The following CRELD1 variants were observed in gnomAD, a reference collection of about 807,000 sequenced individuals.
CRELD1 encodes protein disulfide isomerase CRELD1.
A neutral mutation model predicts 58.2 loss-of-function variants in CRELD1; 42 were observed. The observed-to-expected ratio is 0.72, with a 90% CI of 0.56 to 0.93. The LOEUF (loss-of-function observed/expected upper bound fraction) is 0.93. Ranked by LOEUF, CRELD1 falls within the 40% of genes least tolerant of loss-of-function variation. CRELD1 has a pLI of 0.00. For synonymous variants in CRELD1, 222 were observed against 202.0 expected (o/e 1.10, Z -0.84); for missense variants, 500 against 540.6 (o/e 0.92, Z 0.74).
intron 3 of CRELD1, among the ~76,000 whole-genome samples, 186 bp from the exon 4 acceptor site, chr3:9,937,376 C>T (rs1384579785): frequency 6.6e-6 from 1 of 152,116 alleles, no homozygotes; most frequent in African/African-American, 2.4e-5. Flanking sequence ...AAGTGACTTG[C>T]CCACTAGATC....
chr3:9,939,207 G>A (rs984869708), intron 5 of CRELD1, among the ~76,000 whole-genome samples: 6 of 151,948 alleles, frequency 3.9e-5, no homozygotes, highest in African/African-American at 1.4e-4. Flanking sequence ...AAATCTAATT[G>A]TTCCACAAGA....
chr3:9,937,867 G>A, intron 4 of CRELD1, 148 bp from the exon 5 acceptor site: 4 of 749,138 alleles, frequency 5.3e-6, no homozygotes, highest in South Asian at 1.5e-5. Flanking sequence ...TCTGCCAAAT[G>A]GGGAAAGGGC....
In CRELD1 at chr3:9,935,202, G is replaced by C. The variant is rs189210146; in HGVS notation, c.257+285G>C. The C allele has an allele frequency of 1.9e-3, 735 of 379,738 alleles. 4 individuals carry two copies. Among genetic ancestry groups the C allele is most frequent in the Non-Finnish European group, 2.9e-3 (589 of 201,908 alleles). 23.5% of individuals were successfully genotyped at this position (379,738 alleles called of 1,614,324 possible). ...GGACGGTGGGAGGCAAGGTGTTCAA[G>C]GTTTGGCATTTGAACAGAGAGACAG... On this transcript the variant is annotated intron_variant, in intron 3 of 10. Coordinates refer to ENST00000452070, the MANE Select transcript of CRELD1 (RefSeq NM_001077415.3).
At chr3:9,934,356 CT>C (rs2085099991) in intron 1 of CRELD1, 63 bp from the exon 2 acceptor site, 2 of 1,333,832 alleles carry the variant, frequency 1.5e-6, no homozygotes, top group Non-Finnish European at 2.2e-6. Flanking sequence ...TAGAACAGAC[CT>C]TTTTCTTTCT....
At chr3:9,943,038 G>A (rs760897938) in intron 8 of CRELD1, 39 bp from the exon 9 acceptor site, 2 of 1,598,898 alleles carry the variant, frequency 1.3e-6, no homozygotes, top group South Asian at 2.2e-5. Flanking sequence ...CCTGGGCCTA[G>A]GTGCACATCT....
At chr3:9,936,531 ATATG>A (rs2085199482) in intron 3 of CRELD1, among the ~76,000 whole-genome samples, 1 of 143,020 alleles carries the variant, frequency 7.0e-6, no homozygotes, top group South Asian at 2.2e-4. Context: ...CTGCGTATAT[ATATG>A]TGCGTATATA....
chr3:9,938,792 G>A (rs1345813598), intron 5 of CRELD1, among the ~76,000 whole-genome samples: 2 of 151,984 alleles, frequency 1.3e-5, no homozygotes, highest in African/African-American at 2.4e-5. Context: ...CCCGGCAGGC[G>A]GAGCTTGCAG....
At chr3:9,934,117 G>C in intron 1 of CRELD1, 197 bp downstream of exon 1, 1 of 434,178 alleles carries the variant, frequency 2.3e-6, no homozygotes. Flanking sequence ...TAATTCTGCG[G>C]ATCCGGCCCC....
At position 9,943,437 on chromosome 3, in the gene CRELD1, ACCGAGGGCGGTTATCGCTGCATCTGTG is replaced by A. The variant is rs1444946640; in HGVS notation, c.979_1005del (p.Gly327_Gly335del). On this transcript the variant is annotated inframe_deletion, in exon 10 of 11. Coordinates refer to ENST00000452070, the MANE Select transcript of CRELD1 (RefSeq NM_001077415.3). ...GGGAGAGAACAAGCAGTGTGAAAAC[ACCGAGGGCGGTTATCGCTGCATCTGTG>A]CCGAGGGCTACAAGCAGATGGAAGG... 6.2e-7 allele frequency: 1 copy of A among 1,613,926 alleles called. No homozygotes were observed.
At position 9,937,544 on chromosome 3, in the gene CRELD1, C is replaced by T; in HGVS notation, c.258-18C>T. 1 of 1,578,798 alleles carries T rather than the reference C, an allele frequency of 6.3e-7. No homozygotes were observed. The highest frequency in any genetic ancestry group is 8.7e-7 in the Non-Finnish European group (1 of 1,152,956). ...GGGGTGGGGCATGTTTCCCACCAGC[C>T]CTGCCCTGTCCGATCAGTGAGACCC... is the stretch of plus-strand genomic sequence containing the variant. On this transcript the variant is annotated intron_variant, in intron 3 of 10. Transcript: ENST00000452070.
intron 5 of CRELD1, among the ~76,000 whole-genome samples, chr3:9,940,142 G>GATGGGAT: frequency 6.6e-6 from 1 of 151,968 alleles, no homozygotes; most frequent in Non-Finnish European, 1.5e-5. Flanking sequence ...TCACTTCCTA[G>GATGGGAT]ATGGGATGGC....
Position 9,938,197 on chromosome 3 carries a change from C to G in CRELD1, c.460+91C>G. On this transcript the variant is annotated intron_variant, in intron 5 of 10. Transcript: ENST00000452070. ...CTGTCCCTAGTTCGCTGTGTGAACT[C>G]AGGCTACTCAGATAAACTTCTCTGG... 3 of 991,044 alleles carry G rather than the reference C, an allele frequency of 3.0e-6. No individual in the cohort carries two copies. The East Asian group carries it at 7.5e-5, about 25-fold the overall frequency. 61.4% of individuals were successfully genotyped at this position (991,044 alleles called of 1,614,324 possible). A position where few individuals can be genotyped will look rare whatever the true frequency, so the allele number is the denominator to read the frequency against.
chr3:9,941,584 A>T (rs895283387), intron 7 of CRELD1, among the ~76,000 whole-genome samples: 1 of 151,920 alleles, frequency 6.6e-6, no homozygotes, highest in Non-Finnish European at 1.5e-5. Context: ...AGATCAGGAG[A>T]TCGAGACCAT....
chr3:9,943,844 A>C, intron 10 of CRELD1: 1 of 1,613,858 alleles, frequency 6.2e-7, no homozygotes, highest in Non-Finnish European at 8.5e-7. Context: ...CAGGGTAATC[A>C]CAACGATGAT....
At chr3:9,934,396 C>A (rs1054918021) in intron 1 of CRELD1, 24 bp from the exon 2 acceptor site, 5 of 1,566,644 alleles carry the variant, frequency 3.2e-6, no homozygotes, top group Non-Finnish European at 3.5e-6. Flanking sequence ...TTCAGTGAAG[C>A]CTCTCCACGC....
Position 9,942,837 on chromosome 3 carries a change from G to A in CRELD1, c.758G>A (p.Gly253Glu), listed in dbSNP as rs2085405236. The change falls in exon 8 of 11, where the codon GGA becomes GAA. Residue 253 changes from glycine to glutamate, a missense_variant. Coordinates refer to ENST00000452070, the MANE Select transcript of CRELD1 (RefSeq NM_001077415.3). ...CVDIDECGTE[G>E]ANCGADQFCV... Reference sequence around the variant, plus strand: ...GACATTGATGAGTGTGGCACAGAGGGAGCCAACTGTGGAGCTGACCAATTC... The same window carrying A: ...GACATTGATGAGTGTGGCACAGAGGAAGCCAACTGTGGAGCTGACCAATTC... The A allele has an allele frequency of 1.2e-6, 2 of 1,614,028 alleles. No homozygotes were observed. Among genetic ancestry groups the A allele is most frequent in the African/African-American group, 2.7e-5 (2 of 74,930 alleles).
chr3:9,940,925 G>C lies in CRELD1; in HGVS notation c.536G>C (p.Gly179Ala). Reference protein sequence around the residue: ...CEGEGTRGGSGHCDCQAGYGG... With the variant: ...CEGEGTRGGSAHCDCQAGYGG... ...GGAGAAGGGACACGAGGGGGCAGCGGGCACTGTGACTGCCAAGCCGGCTAC... is the reference window on the plus strand; with the variant it reads ...GGAGAAGGGACACGAGGGGGCAGCGCGCACTGTGACTGCCAAGCCGGCTAC... The change falls in exon 6 of 11, where the codon GGG (glycine) becomes GCG (alanine). Residue 179 changes from glycine to alanine, a missense_variant. Transcript: ENST00000452070. 6.2e-7 allele frequency: 1 copy of C among 1,614,146 alleles called. No homozygotes were observed. Among genetic ancestry groups the C allele is most frequent in the Non-Finnish European group, 8.5e-7 (1 of 1,180,016 alleles).
In CRELD1 at chr3:9,934,591, A is replaced by G; in HGVS notation, c.153A>G (p.Gly51=). Residue 51 remains glycine (G), a synonymous_variant, in exon 2 of 11, where the codon GGA becomes GGG. Transcript: ENST00000452070. ...CCCATCCGTGTCATACCTGCCGGGG[A>G]CTGGTTGACAGCTTTAACAAGGTGG... ...PQPHPCHTCR[G]LVDSFNKGLE... 6.2e-7 allele frequency: 1 copy of G among 1,613,654 alleles called. No individual in the cohort carries two copies. The highest frequency in any genetic ancestry group is 8.5e-7 in the Non-Finnish European group (1 of 1,179,710).
At position 9,941,095 on chromosome 3, in the gene CRELD1, C is replaced by G. The variant is rs774885453; in HGVS notation, c.638-16C>G. On this transcript the variant is annotated splice_polypyrimidine_tract_variant and intron_variant, in intron 6 of 10. Coordinates refer to ENST00000452070, the MANE Select transcript of CRELD1 (RefSeq NM_001077415.3). ...CACCTGCCTGCCCATCCTCATGCTG[C>G]CCCCATTCCACCCAGCTTGTTTTGG... 37 of 1,614,102 alleles carry G rather than the reference C, an allele frequency of 2.3e-5. No homozygotes were observed. Among genetic ancestry groups the G allele is most frequent in the East Asian group, 4.5e-5 (2 of 44,858 alleles).
Sources: allele counts gnomAD v4.1 joint callset (sites outside exome capture counted in the v4.1 genomes callset), GRCh38; gene constraint gnomAD v4.1.1; transcripts MANE v1.5; gene names NCBI Gene and HGNC (gene_info 2026-07-23, HGNC 2026-07-21).